Variants in GRSF1 observed in about 807,000 individuals in gnomAD.
GRSF1 encodes the protein G-rich sequence factor 1.
Under a neutral mutation model 51.1 loss-of-function variants are expected in GRSF1, and 50 were observed. That is an observed-to-expected ratio of 0.98 (90% CI 0.78 to 1.24). The LOEUF is 1.24. Ranked by LOEUF, GRSF1 falls within the 50% of genes most tolerant of loss-of-function variation. GRSF1 has a pLI of 0.00. For synonymous variants in GRSF1, 293 were observed against 253.3 expected, an observed-to-expected ratio of 1.16 and a Z score of -1.49; for missense variants, 700 against 639.7, an observed-to-expected ratio of 1.09 and a Z score of -1.02.
At position 70,833,162 on chromosome 4, in the gene GRSF1, G is replaced by T. The variant is rs1329288742; in HGVS notation, c.626C>A (p.Ala209Asp). The change falls in exon 3 of 10, where the codon GCC (alanine) becomes GAC (aspartate). Residue 209 changes from alanine to aspartate, a missense_variant. Coordinates refer to ENST00000254799, the MANE Select transcript of GRSF1 (RefSeq NM_002092.4). ...CATGTACATGCGGTGCTTCTCTAAGGCTTTCTGCACATCCTGCTCTGACTC... is the reference window on the plus strand; with the variant it reads ...CATGTACATGCGGTGCTTCTCTAAGTCTTTCTGCACATCCTGCTCTGACTC... ...EMESEQDVQKALEKHRMYMGQ... is the reference protein window; with the variant it reads ...EMESEQDVQKDLEKHRMYMGQ... 3 of 1,613,818 alleles carry T rather than the reference G, an allele frequency of 1.9e-6. No homozygotes were observed. The Admixed American group carries it at 5.0e-5, about 27-fold the overall frequency.
At chr4:70,839,315 A>G (rs1483192369) in intron 1 of GRSF1, 156 bp downstream of exon 1, 6 of 1,501,038 alleles carry the variant, frequency 4.0e-6, no homozygotes, top group Admixed American at 4.0e-5. Flanking sequence ...CCAGGGCCCA[A>G]TAGGAGCACA....
At position 70,817,425 on chromosome 4, in the gene GRSF1, C is replaced by G. The variant is rs982509386; in HGVS notation, c.*3462G>C. The G allele has an allele frequency of 2.6e-5, 4 of 152,138 alleles. No individual in the cohort carries two copies. The highest frequency in any genetic ancestry group is 4.4e-5 in the Non-Finnish European group (3 of 68,022). 9.4% of individuals were successfully genotyped at this position (152,138 alleles called of 1,614,324 possible). A position where few individuals can be genotyped will look rare whatever the true frequency, so the allele number is the denominator to read the frequency against. On this transcript the variant is annotated 3_prime_UTR_variant, in exon 10 of 10. Transcript: ENST00000254799. ...CTTAAGACAGATTAAACCTTCCTTC[C>G]TATACTTCCTTTCTAAAAATAAGAA...
upstream of GRSF1, among the ~76,000 whole-genome samples, chr4:70,840,342 T>A (rs896517488): frequency 3.3e-5 from 5 of 152,234 alleles, no homozygotes; most frequent in Admixed American, 2.0e-4. Context: ...CCTGGCGCAG[T>A]GACTCATTCG....
chr4:70,842,624 C>A (rs1179801349), upstream of GRSF1, among the ~76,000 whole-genome samples: 1 of 152,074 alleles, frequency 6.6e-6, no homozygotes, highest in African/African-American at 2.4e-5. Context: ...CGTAAGCCTC[C>A]CTTTCAAGAA....
rs199849809 is a variant in GRSF1, at chr4:70,832,324, A to G, written c.797T>C (p.Ile266Thr). The stretch of plus-strand genomic sequence containing the variant: ...CAAAGTACCTGCAAAGAAGTCTACA[A>G]TGTCTTTCTCATTGCAACTATAAGG... ...GLPYSCNEKD[I>T]VDFFAGLNIV... The change falls in exon 4 of 10, where the codon ATT becomes ACT. Residue 266 changes from isoleucine to threonine, a missense_variant. Ile to Thr is a moderately conservative substitution (Grantham distance 89). Coordinates refer to ENST00000254799, the MANE Select transcript of GRSF1 (RefSeq NM_002092.4). 6.2e-7 allele frequency: 1 copy of G among 1,613,654 alleles called. No homozygotes were observed. Among genetic ancestry groups the G allele is most frequent in the East Asian group, 2.2e-5 (1 of 44,856 alleles).
intron 1 of GRSF1, among the ~76,000 whole-genome samples, chr4:70,838,671 A>AAAT (rs1734324104): frequency 6.6e-6 from 1 of 152,228 alleles, no homozygotes; most frequent in Non-Finnish European, 1.5e-5. Context: ...ACAAAGCACA[A>AAAT]AATATTTGCA....
chr4:70,827,964 G>C lies in GRSF1; in HGVS notation c.1023C>G (p.Ile341Met). 1 of 1,611,586 alleles carries C rather than the reference G, an allele frequency of 6.2e-7. No homozygotes were observed. The highest frequency in any genetic ancestry group is 1.1e-5 in the South Asian group (1 of 90,942). ...TATACTTAGCAGTAGGAAAAGATGC[G>C]ATTTTCTTTCCCTTATAAGAACCGA... ...THVGSYKGKKIASFPTAKYIT... is the reference protein window; with the variant it reads ...THVGSYKGKKMASFPTAKYIT... Residue 341 changes from isoleucine (I) to methionine (M), a missense_variant, in exon 6 of 10, where the codon ATC becomes ATG. Transcript: ENST00000254799.
intron 9 of GRSF1, among the ~76,000 whole-genome samples, chr4:70,821,767 CCA>C (rs1284392096): frequency 7.9e-5 from 12 of 151,048 alleles, no homozygotes; most frequent in African/African-American, 2.9e-4. Flanking sequence ...CCTCCGCCTC[CCA>C]GATTCATGTG....
intron 5 of GRSF1, 121 bp from the exon 6 acceptor site, chr4:70,828,157 A>C: frequency 1.4e-6 from 1 of 709,066 alleles, no homozygotes; most frequent in Non-Finnish European, 2.4e-6. Flanking sequence ...GTGTCAAAAG[A>C]TAACAGGTAG....
upstream of GRSF1, among the ~76,000 whole-genome samples, chr4:70,842,451 A>G (rs1734478429): frequency 6.6e-6 from 1 of 152,286 alleles, no homozygotes; most frequent in South Asian, 2.1e-4. Flanking sequence ...ACTTATTTAT[A>G]TAGAGACAGG....
At position 70,819,045 on chromosome 4, in the gene GRSF1, A is replaced by C. The variant is rs1733411429; in HGVS notation, c.*1842T>G. On this transcript the variant is annotated 3_prime_UTR_variant, in exon 10 of 10. Coordinates refer to ENST00000254799, the MANE Select transcript of GRSF1 (RefSeq NM_002092.4). ...ATTCAAATACATAAAATGATTTCCC[A>C]ATAATGGCCACATTTTGTACAGAAA... 1 of 152,246 alleles carries C rather than the reference A, an allele frequency of 6.6e-6. No individual in the cohort carries two copies. Among genetic ancestry groups the C allele is most frequent in the African/African-American group, 2.4e-5 (1 of 41,468 alleles). 9.4% of individuals were successfully genotyped at this position (152,246 alleles called of 1,614,324 possible).
At chr4:70,841,615 C>G (rs1317319623), upstream of GRSF1, among the ~76,000 whole-genome samples, 2 of 152,224 alleles carry the variant, frequency 1.3e-5, no homozygotes, top group African/African-American at 4.8e-5. Flanking sequence ...CTACCACCAT[C>G]TTCCAGACCT....
intron 5 of GRSF1, among the ~76,000 whole-genome samples, chr4:70,829,872 T>C (rs1578300868): frequency 6.6e-6 from 1 of 152,104 alleles, no homozygotes; most frequent in Non-Finnish European, 1.5e-5. Context: ...GGAATGGCTG[T>C]TTTGTTTACT....
At chr4:70,832,777 A>G (rs1046156600) in intron 3 of GRSF1, among the ~76,000 whole-genome samples, 1 of 152,162 alleles carries the variant, frequency 6.6e-6, no homozygotes, top group African/African-American at 2.4e-5. Flanking sequence ...GTAAAACCCC[A>G]TCTCTAATAA....
intron 6 of GRSF1, among the ~76,000 whole-genome samples, chr4:70,827,219 C>T (rs1202693175): frequency 6.6e-6 from 1 of 150,596 alleles, no homozygotes; most frequent in Non-Finnish European, 1.5e-5. Flanking sequence ...ACCTGGGAGG[C>T]GGAACCTGCA....
chr4:70,839,443 C>T (rs1454897260), intron 1 of GRSF1, 28 bp downstream of exon 1: 7 of 1,471,910 alleles, frequency 4.8e-6, no homozygotes, highest in Admixed American at 2.4e-5. Context: ...AGGGATCTCG[C>T]GCCAGGTCCC....
chr4:70,841,319 T>C (rs2148850536), upstream of GRSF1, among the ~76,000 whole-genome samples: 1 of 152,304 alleles, frequency 6.6e-6, no homozygotes, highest in South Asian at 2.1e-4. Flanking sequence ...ATTTATTATG[T>C]ACTGATAATA....
rs1335421012 is a variant in GRSF1 at position 70,838,181 on chromosome 4, T to G, written c.357+1290A>C. Among the ~76,000 whole-genome samples, 28 of 127,166 alleles carry G rather than the reference T, an allele frequency of 2.2e-4. No homozygotes were observed. The Admixed American group carries it at 2.8e-3, about 13-fold the overall frequency. 83.4% of individuals were successfully genotyped at this position (127,166 alleles called of 152,430 possible). A position where few individuals can be genotyped will look rare whatever the true frequency, so the allele number is the denominator to read the frequency against. ...TTGCAGTGAGCCGAGATCATTCCAC[T>G]GCACTCCAGCCTGGGCGACAGAGCG... is the stretch of plus-strand genomic sequence containing the variant. On this transcript the variant is annotated intron_variant, in intron 1 of 9. Coordinates refer to ENST00000254799, the MANE Select transcript of GRSF1 (RefSeq NM_002092.4).
Position 70,833,190 on chromosome 4 carries a change from T to C in GRSF1, c.598A>G (p.Met200Val). The stretch of plus-strand genomic sequence containing the variant: ...TTCTGCACATCCTGCTCTGACTCCA[T>C]TTCAATTAAGGCATCACCCCTTCGT... ...GKRRGDALIE[M>V]ESEQDVQKAL... The change falls in exon 3 of 10, where the codon ATG becomes GTG. Residue 200 changes from methionine (M) to valine (V), a missense_variant. Physicochemically the swap from Met to Val is conservative, Grantham distance 21. Transcript: ENST00000254799. The C allele has an allele frequency of 6.2e-7, 1 of 1,613,936 alleles. No homozygotes were observed. Among genetic ancestry groups the C allele is most frequent in the African/African-American group, 1.3e-5 (1 of 75,046 alleles).
Sources: gnomAD v4.1 joint callset for allele counts (sites outside exome capture counted in the v4.1 genomes callset) on GRCh38, gnomAD v4.1.1 for gene constraint, MANE v1.5 for transcripts, NCBI Gene and HGNC (gene_info 2026-07-23, HGNC 2026-07-21) for gene names.